EPS15L1: variants seen among roughly 807,000 people sequenced by gnomAD.
The protein encoded by EPS15L1 is epidermal growth factor receptor substrate 15-like 1.
In EPS15L1, 43 loss-of-function variants were observed where a neutral mutation model predicts 117.1. The observed-to-expected ratio is 0.37, with a 90% CI of 0.29 to 0.47. EPS15L1 has a LOEUF of 0.47. Ranked by LOEUF, EPS15L1 falls within the 20% of genes least tolerant of loss-of-function variation. EPS15L1 has a pLI of 0.99. For synonymous variants in EPS15L1, 459 were observed against 470.5 expected, an observed-to-expected ratio of 0.98 and a Z score of 0.32; for missense variants, 981 against 1,164.0, an observed-to-expected ratio of 0.84 and a Z score of 2.29.
intron 16 of EPS15L1, chr19:16,400,851 C>T: frequency 1.0e-6 from 1 of 985,424 alleles, no homozygotes; most frequent in Non-Finnish European, 1.2e-6. Context: ...TGCCACTTCA[C>T]TGCCAACTTT....
At chr19:16,443,811 A>G (rs1477281723) in intron 1 of EPS15L1, among the ~76,000 whole-genome samples, 1 of 151,904 alleles carries the variant, frequency 6.6e-6, no homozygotes, top group African/African-American at 2.4e-5. Flanking sequence ...TTGTAATCCC[A>G]AACAGCACTT....
rs1309977150 is a variant in EPS15L1, at chr19:16,402,083, T to C, written c.1791+238A>G. On this transcript the variant is annotated intron_variant, in intron 16 of 23. Transcript: ENST00000455140. ...GAGATGGAGGGCATTCAAAACAGGTTCTGAAAGGATCCAGGCCTATCTTGG... is the reference window on the plus strand; with the variant it reads ...GAGATGGAGGGCATTCAAAACAGGTCCTGAAAGGATCCAGGCCTATCTTGG... The C allele has an allele frequency of 6.3e-6, 8 of 1,279,518 alleles. No homozygotes were observed. The East Asian group carries it at 2.5e-4, about 40-fold the overall frequency. 79.3% of individuals were successfully genotyped at this position (1,279,518 alleles called of 1,614,324 possible).
At chr19:16,393,111 AT>A (rs2092497194) in intron 18 of EPS15L1, among the ~76,000 whole-genome samples, 2 of 147,004 alleles carry the variant, frequency 1.4e-5, no homozygotes, top group Non-Finnish European at 3.0e-5. Flanking sequence ...AATAATAATA[AT>A]AATAATAATA....
intron 21 of EPS15L1, among the ~76,000 whole-genome samples, chr19:16,379,119 C>G (rs1051402912): frequency 1.3e-5 from 2 of 152,042 alleles, no homozygotes; most frequent in African/African-American, 4.8e-5. Context: ...CCAGCTAATA[C>G]GGTGAAAAAC....
At chr19:16,392,490 C>A (rs1232416743) in intron 18 of EPS15L1, 50 bp from the exon 19 acceptor site, 3 of 1,544,938 alleles carry the variant, frequency 1.9e-6, no homozygotes, top group African/African-American at 1.4e-5. Flanking sequence ...GTGAAAGAAC[C>A]CAGACATAAA....
At chr19:16,465,640 C>T (rs2093297662) in intron 1 of EPS15L1, among the ~76,000 whole-genome samples, 1 of 152,078 alleles carries the variant, frequency 6.6e-6, no homozygotes, top group South Asian at 2.1e-4. Context: ...TTTGATTGCA[C>T]CACTGTACTC....
At chr19:16,448,619 G>A (rs958268347) in intron 1 of EPS15L1, among the ~76,000 whole-genome samples, 7 of 151,946 alleles carry the variant, frequency 4.6e-5, no homozygotes, top group African/African-American at 9.7e-5. Flanking sequence ...CAAGGTAGGC[G>A]GATCACCTGG....
At chr19:16,437,180 T>TA (rs1213304607) in intron 5 of EPS15L1, 181 bp from the exon 6 acceptor site, 20 of 585,424 alleles carry the variant, frequency 3.4e-5, no homozygotes, top group Admixed American at 1.6e-4. Context: ...CCAAATGAAT[T>TA]AAAAACGGAT....
At chr19:16,466,882 G>A (rs1278240675) in intron 1 of EPS15L1, among the ~76,000 whole-genome samples, 2 of 148,164 alleles carry the variant, frequency 1.3e-5, no homozygotes, top group East Asian at 4.0e-4. Context: ...CATCCTGGGT[G>A]ACAAGAGTGA....
chr19:16,357,831 T>C (rs1333309209), intron 23 of EPS15L1: 3 of 152,316 alleles, frequency 2.0e-5, no homozygotes, highest in East Asian at 1.9e-4. Context: ...CTCCCCGCCA[T>C]TGTGTCACTG....
rs943063901 is a variant in EPS15L1 at position 16,365,964 on chromosome 19, C to A, written c.2381-3980G>T. On this transcript the variant is annotated intron_variant, in intron 22 of 23. Coordinates refer to ENST00000455140, the MANE Select transcript of EPS15L1 (RefSeq NM_001258374.3). The surrounding 1 kb of genome is among the most constrained non-coding windows in gnomAD (Gnocchi z 4.9). ...GGACCTGGGGCCCTTTGGAGCAACA[C>A]CCTGGGGAGCGAGAAGGGAATAAAG... Among the ~76,000 whole-genome samples the A allele has an allele frequency of 1.3e-5, 2 of 152,202 alleles. No individual in the cohort carries two copies. Among genetic ancestry groups the A allele is most frequent in the African/African-American group, 4.8e-5 (2 of 41,452 alleles).
At chr19:16,426,849 C>T (rs2092877993) in intron 8 of EPS15L1, among the ~76,000 whole-genome samples, 1 of 152,080 alleles carries the variant, frequency 6.6e-6, no homozygotes, top group South Asian at 2.1e-4. Flanking sequence ...AATAGACACG[C>T]TCATACAGAA....
chr19:16,401,418 T>C (rs1178346903), intron 16 of EPS15L1: 56 of 985,308 alleles, frequency 5.7e-5, no homozygotes, highest in Non-Finnish European at 6.6e-5. Flanking sequence ...ATCCATGACG[T>C]ACAGAGGCCC....
chr19:16,412,767 C>T (rs1357443824), intron 13 of EPS15L1: 11 of 344,302 alleles, frequency 3.2e-5, no homozygotes, highest in Middle Eastern at 9.7e-4. Flanking sequence ...GTAACTTCCA[C>T]GGAGGTTTCA....
At chr19:16,419,839 C>T (rs886701499) in intron 10 of EPS15L1, among the ~76,000 whole-genome samples, 21 of 152,216 alleles carry the variant, frequency 1.4e-4, no homozygotes, top group African/African-American at 4.8e-4. Flanking sequence ...CCAGCCTGCT[C>T]GTGGGCTGCA....
chr19:16,447,613 A>T (rs1337368329), intron 1 of EPS15L1, among the ~76,000 whole-genome samples: 2 of 152,146 alleles, frequency 1.3e-5, no homozygotes, highest in African/African-American at 4.8e-5. Flanking sequence ...TACAAAAATT[A>T]GCCAGGCATG....
intron 22 of EPS15L1, 89 bp from the exon 23 acceptor site, chr19:16,362,073 C>T (rs1383101573): frequency 1.3e-5 from 17 of 1,332,278 alleles, no homozygotes; most frequent in East Asian, 2.5e-5. Context: ...GGCACAAGCC[C>T]GGGGCGCTTC....
At chr19:16,438,786 G>GCTA (rs1332664301) in intron 4 of EPS15L1, among the ~76,000 whole-genome samples, 1 of 152,148 alleles carries the variant, frequency 6.6e-6, no homozygotes, top group Non-Finnish European at 1.5e-5. Flanking sequence ...TTCCTGAGTA[G>GCTA]CTAGGATTAC....
intron 1 of EPS15L1, among the ~76,000 whole-genome samples, chr19:16,444,460 A>G (rs2093064325): frequency 6.6e-6 from 1 of 152,146 alleles, no homozygotes; most frequent in South Asian, 2.1e-4. Flanking sequence ...GTGTCCAGCC[A>G]TCACACCTGT....
Sources: gnomAD v4.1 joint callset for allele counts (sites outside exome capture counted in the v4.1 genomes callset) on GRCh38, gnomAD v4.1.1 for gene constraint, Gnocchi (gnomAD v3.1) non-coding constraint, MANE v1.5 for transcripts, NCBI Gene and HGNC (gene_info 2026-07-23, HGNC 2026-07-21) for gene names.